TMPRSS12: variants seen among roughly 807,000 people sequenced by gnomAD.
TMPRSS12 encodes transmembrane serine protease 12.
A neutral mutation model predicts 26.0 loss-of-function variants in TMPRSS12; 25 were observed. That is an observed-to-expected ratio of 0.96 (90% CI 0.70 to 1.34). The LOEUF is 1.34. Among genes scored for constraint, TMPRSS12 ranks in the 40% most tolerant of loss-of-function variants. TMPRSS12 has a pLI of 0.00. For synonymous variants in TMPRSS12, 150 were observed against 161.7 expected (o/e 0.93, Z 0.55); for missense variants, 441 against 440.1 (o/e 1.00, Z -0.02).
rs74805269 is a variant in TMPRSS12, at chr12:50,872,864, C to CG, written c.653-12382_653-12381insG. Among the ~76,000 whole-genome samples the CG allele has an allele frequency of 5.2e-3, 64 of 12,244 alleles. 5 individuals carry two copies. Among genetic ancestry groups the CG allele is most frequent in the East Asian group, 0.014 (5 of 346 alleles). The allele number at this position is 12,244 out of a possible 152,430, so 8.0% of individuals were successfully genotyped here. A position where few individuals can be genotyped will look rare whatever the true frequency, so the allele number is the denominator to read the frequency against. On this transcript the variant is annotated intron_variant, in intron 3 of 4. Transcript: ENST00000398458. ...CGTCTATATATGTACATATATATGA[C>CG]TATATATGTACATATATATGACGTA... is the stretch of plus-strand genomic sequence containing the variant.
At chr12:50,853,896 T>G (rs1188202310) in intron 2 of TMPRSS12, among the ~76,000 whole-genome samples, 2 of 151,924 alleles carry the variant, frequency 1.3e-5, no homozygotes, top group Non-Finnish European at 2.9e-5. Flanking sequence ...TTCTACCAGG[T>G]GTATAAAAGA....
intron 2 of TMPRSS12, among the ~76,000 whole-genome samples, chr12:50,851,541 G>A (rs537867074): frequency 1.3e-5 from 2 of 152,234 alleles, no homozygotes; most frequent in African/African-American, 4.8e-5. Context: ...AGAAATAGGG[G>A]ATTATGTAAA....
At chr12:50,880,930 A>G (rs1938156917) in intron 3 of TMPRSS12, among the ~76,000 whole-genome samples, 2 of 151,154 alleles carry the variant, frequency 1.3e-5, no homozygotes, top group African/African-American at 4.9e-5. Context: ...AAATTTCAAG[A>G]AAAGGCAAAC....
chr12:50,854,448 G>A (rs905719447), intron 2 of TMPRSS12, among the ~76,000 whole-genome samples: 1 of 152,136 alleles, frequency 6.6e-6, no homozygotes, highest in Non-Finnish European at 1.5e-5. Flanking sequence ...AGTACTGGAA[G>A]TCCTAACCAG....
chr12:50,872,789 AT>A (rs1285577929), intron 3 of TMPRSS12, among the ~76,000 whole-genome samples: 1,004 of 24,986 alleles, frequency 0.04, 5 homozygotes, highest in Admixed American at 0.047. Context: ...GTACATATAT[AT>A]GACGTATATA....
At chr12:50,872,979 T>TATATATGTAC (rs1938081236) in intron 3 of TMPRSS12, among the ~76,000 whole-genome samples, 1 of 148,632 alleles carries the variant, frequency 6.7e-6, no homozygotes, top group African/African-American at 2.5e-5. Context: ...ATATATGACG[T>TATATATGTAC]ATATATATGA....
intron 2 of TMPRSS12, among the ~76,000 whole-genome samples, chr12:50,847,057 CTTTT>C (rs547352999): frequency 9.1e-6 from 1 of 109,922 alleles, no homozygotes; most frequent in African/African-American, 3.9e-5. Context: ...AGTCTAAAAA[CTTTT>C]TTTTTTTTTT....
In TMPRSS12 at chr12:50,857,526, T is replaced by C. The variant is rs150500738; in HGVS notation, c.384-1259T>C. Reference sequence around the variant, plus strand: ...ATTGCCAATTTGAAGGATGAAAAGTTATCTGTAAGCAACAGTGTATAAAGT... The same window carrying C: ...ATTGCCAATTTGAAGGATGAAAAGTCATCTGTAAGCAACAGTGTATAAAGT... On this transcript the variant is annotated intron_variant, in intron 2 of 4. Coordinates refer to ENST00000398458, the MANE Select transcript of TMPRSS12 (RefSeq NM_182559.3). Among the ~76,000 whole-genome samples the C allele has an allele frequency of 1.2e-3, 185 of 152,348 alleles. 1 individual carries two copies. The highest frequency in any genetic ancestry group is 3.8e-3 in the African/African-American group (160 of 41,588).
intron 1 of TMPRSS12, 130 bp downstream of exon 1, chr12:50,843,281 A>G (rs1396942380): frequency 7.0e-6 from 6 of 858,480 alleles, no homozygotes; most frequent in Non-Finnish European, 1.0e-5. Context: ...ATACCTAAGC[A>G]GTTTCTAGAC....
At chr12:50,870,208 A>C (rs1357883180) in intron 3 of TMPRSS12, among the ~76,000 whole-genome samples, 1 of 152,084 alleles carries the variant, frequency 6.6e-6, no homozygotes, top group Non-Finnish European at 1.5e-5. Flanking sequence ...CAACAACAAC[A>C]ACAAAAAACA....
At chr12:50,869,864 C>T (rs1468542780) in intron 3 of TMPRSS12, among the ~76,000 whole-genome samples, 1 of 152,198 alleles carries the variant, frequency 6.6e-6, no homozygotes, top group Non-Finnish European at 1.5e-5. Flanking sequence ...GGGCAGATCA[C>T]CTGAGGTCAG....
rs375350679 is a variant in TMPRSS12, at chr12:50,855,104, C to A, written c.384-3681C>A. 3.5e-3 allele frequency among the ~76,000 whole-genome samples: 527 copies of A among 152,222 alleles called. 2 individuals carry two copies. The highest frequency in any genetic ancestry group is 0.012 in the African/African-American group (487 of 41,512). Reference sequence around the variant, plus strand: ...TAACTAAAACAGCACAGTACTGGTACAAAAACAGACACACAGACCAATGGA... The same window carrying A: ...TAACTAAAACAGCACAGTACTGGTAAAAAAACAGACACACAGACCAATGGA... On this transcript the variant is annotated intron_variant, in intron 2 of 4. Transcript: ENST00000398458.
intron 3 of TMPRSS12, among the ~76,000 whole-genome samples, chr12:50,878,424 TA>T (rs59960784): frequency 2.7e-5 from 4 of 150,084 alleles, no homozygotes; most frequent in Admixed American, 6.7e-5. Context: ...TCTGCAAAAA[TA>T]AAAAAAAACA....
At position 50,843,955 on chromosome 12, in the gene TMPRSS12, C is replaced by G; in HGVS notation, c.301C>G (p.Arg101Gly). 1.2e-6 allele frequency: 2 copies of G among 1,604,418 alleles called. No individual in the cohort carries two copies. The highest frequency in any genetic ancestry group is 1.7e-6 in the Non-Finnish European group (2 of 1,175,554). Residue 101 changes from arginine to glycine, a missense_variant, in exon 2 of 5, where the codon CGT becomes GGT. Coordinates refer to ENST00000398458, the MANE Select transcript of TMPRSS12 (RefSeq NM_182559.3). Reference sequence around the variant, plus strand: ...GGTGAGCCTGCAGATTAAATATGGCCGTGTTCTTGTTCATGTATGTGGGGG... The same window carrying G: ...GGTGAGCCTGCAGATTAAATATGGCGGTGTTCTTGTTCATGTATGTGGGGG... Reference protein sequence around the residue: ...WVVSLQIKYGRVLVHVCGGTL... With the variant: ...WVVSLQIKYGGVLVHVCGGTL...
intron 3 of TMPRSS12, among the ~76,000 whole-genome samples, chr12:50,875,261 G>A (rs1330483942): frequency 1.3e-5 from 2 of 151,954 alleles, no homozygotes; most frequent in Admixed American, 1.3e-4. Context: ...AGGCCAAGGT[G>A]GGCGGATCAC....
chr12:50,858,813 G>A lies in TMPRSS12; in HGVS notation c.412G>A (p.Gly138Arg), dbSNP rs746240435. The change falls in exon 3 of 5, where the codon GGA (glycine) becomes AGA (arginine). Residue 138 changes from glycine (G) to arginine (R), a missense_variant. Transcript: ENST00000398458. ...TCCTTTAATGTGGACAGCTGTGATT[G>A]GAACTAATAATATACATGGACGCTA... ...SDPLMWTAVI[G>R]TNNIHGRYPH... is the part of the protein sequence containing the mutation. The A allele has an allele frequency of 9.4e-6, 15 of 1,599,930 alleles. No homozygotes were observed. The African/African-American group carries it at 1.6e-4, about 17-fold the overall frequency.
intron 2 of TMPRSS12, among the ~76,000 whole-genome samples, chr12:50,849,042 G>A (rs113885742): frequency 0.075 from 11,451 of 152,090 alleles, 1,451 homozygotes; most frequent in African/African-American, 0.26. Context: ...TGTGTTTTTT[G>A]TAGAGATGGG....
At position 50,844,001 on chromosome 12, in the gene TMPRSS12, G is replaced by T; in HGVS notation, c.347G>T (p.Trp116Leu). 1 of 1,601,272 alleles carries T rather than the reference G, an allele frequency of 6.2e-7. No individual in the cohort carries two copies. The highest frequency in any genetic ancestry group is 1.1e-5 in the South Asian group (1 of 88,974). The change falls in exon 2 of 5, where the codon TGG (tryptophan) becomes TTG (leucine). Residue 116 changes from tryptophan to leucine, a missense_variant. Trp to Leu is a moderately conservative substitution (Grantham distance 61). Transcript: ENST00000398458. ...GGGGGAACCCTAGTGAGAGAGAGGTGGGTCCTCACAGCTGCCCACTGCACT... is the reference window on the plus strand; with the variant it reads ...GGGGGAACCCTAGTGAGAGAGAGGTTGGTCCTCACAGCTGCCCACTGCACT... ...VCGGTLVRERWVLTAAHCTKD... is the reference protein window; with the variant it reads ...VCGGTLVRERLVLTAAHCTKD...
intron 3 of TMPRSS12, among the ~76,000 whole-genome samples, chr12:50,871,126 C>T (rs1938038494): frequency 6.6e-6 from 1 of 151,946 alleles, no homozygotes; most frequent in Admixed American, 6.6e-5. Flanking sequence ...CAAAAAAGAG[C>T]CCACAAAGCC....
Sources: allele counts gnomAD v4.1 joint callset (sites outside exome capture counted in the v4.1 genomes callset), GRCh38; gene constraint gnomAD v4.1.1; transcripts MANE v1.5; gene names NCBI Gene and HGNC (gene_info 2026-07-23, HGNC 2026-07-21).